The following FSTL5 variants were observed in gnomAD, a reference collection of about 807,000 sequenced individuals.
FSTL5 encodes the protein follistatin like 5, also known as follistatin-related protein 5.
Under a neutral mutation model 89.1 loss-of-function variants are expected in FSTL5, and 62 were observed. That is an observed-to-expected ratio of 0.70 (90% CI 0.57 to 0.86). The LOEUF (loss-of-function observed/expected upper bound fraction) is 0.86, where lower values mean the gene tolerates loss of function less well. FSTL5 is among the 40% of genes least tolerant of loss of function. The pLI is 0.00. For missense variants in FSTL5, 1,057 were observed against 1,001.6 expected, an observed-to-expected ratio of 1.06 and a Z score of -0.75; for synonymous variants, 383 against 346.2, an observed-to-expected ratio of 1.11 and a Z score of -1.18.
At chr4:162,159,363 G>A (rs1342800121) in intron 1 of FSTL5, among the ~76,000 whole-genome samples, 1 of 151,922 alleles carries the variant, frequency 6.6e-6, no homozygotes, top group East Asian at 1.9e-4. Context: ...CAATGAAGAA[G>A]TATTTTTAAA....
intron 10 of FSTL5, among the ~76,000 whole-genome samples, chr4:161,517,520 A>C (rs1280711805): frequency 6.6e-6 from 1 of 152,104 alleles, no homozygotes; most frequent in Non-Finnish European, 1.5e-5. Flanking sequence ...AAATTGCCTT[A>C]TTTCCTGTGT....
rs1301205887 is a variant in FSTL5 at position 161,872,146 on chromosome 4, T to TTG, written c.409+48257_409+48258insCA. ...GTAGTTTGTTTTTTTTTTTGGTTTT[T>TTG]TTTTTTTTTTTTGTAGAGACAAGGA... On this transcript the variant is annotated intron_variant, in intron 4 of 15. Transcript: ENST00000306100. Among the ~76,000 whole-genome samples the TTG allele has an allele frequency of 4.5e-5, 6 of 132,992 alleles. 1 individual carries two copies. Among genetic ancestry groups the TTG allele is most frequent in the Admixed American group, 7.8e-5 (1 of 12,834 alleles). The allele number at this position is 132,992 out of a possible 152,430, so 87.2% of individuals were successfully genotyped here.
At chr4:161,959,561 A>G (rs1735114903) in intron 3 of FSTL5, among the ~76,000 whole-genome samples, 1 of 152,126 alleles carries the variant, frequency 6.6e-6, no homozygotes, top group Non-Finnish European at 1.5e-5. Flanking sequence ...TAATGATAGC[A>G]GGACATTTAG....
chr4:162,143,912 A>G (rs1732863053), intron 1 of FSTL5, among the ~76,000 whole-genome samples: 1 of 152,150 alleles, frequency 6.6e-6, no homozygotes, highest in Non-Finnish European at 1.5e-5. Flanking sequence ...TCAAGATTAT[A>G]TAACAGAAGT....
intron 7 of FSTL5, among the ~76,000 whole-genome samples, chr4:161,605,209 A>G (rs536897607): frequency 5.1e-4 from 77 of 152,302 alleles, no homozygotes; most frequent in African/African-American, 1.7e-3. Flanking sequence ...AGTGTTTTCA[A>G]TTTGTGAAAA....
At chr4:161,752,759 C>A (rs527427018) in intron 6 of FSTL5, among the ~76,000 whole-genome samples, 1 of 152,246 alleles carries the variant, frequency 6.6e-6, no homozygotes, top group South Asian at 2.1e-4. Context: ...AATGCCCTAA[C>A]CCTCAATGTG....
chr4:161,477,360 T>C (rs1413748474), intron 13 of FSTL5, among the ~76,000 whole-genome samples: 1 of 150,736 alleles, frequency 6.6e-6, no homozygotes, highest in Non-Finnish European at 1.5e-5. Flanking sequence ...CATTTGAGTT[T>C]CATTGTCATC....
chr4:161,921,422 T>C (rs1044462930), intron 3 of FSTL5, among the ~76,000 whole-genome samples: 13 of 152,144 alleles, frequency 8.5e-5, no homozygotes, highest in Admixed American at 7.9e-4. Context: ...CAACTTCAAT[T>C]CCTTATGCTT....
At chr4:161,758,623 T>G (rs7682369) in intron 6 of FSTL5, among the ~76,000 whole-genome samples, 38,170 of 152,026 alleles carry the variant, frequency 0.25, 8,187 homozygotes, top group African/African-American at 0.58. Context: ...GTTCAAGTGA[T>G]TCTCCGGCCT....
At chr4:161,796,334 C>T (rs1221923218) in intron 4 of FSTL5, among the ~76,000 whole-genome samples, 1 of 151,482 alleles carries the variant, frequency 6.6e-6, no homozygotes, top group Non-Finnish European at 1.5e-5. Context: ...TGGAAGGAAT[C>T]CCAAGACTTC....
chr4:162,101,401 T>C lies in FSTL5; in HGVS notation c.126+9870A>G, dbSNP rs1730992263. Among the ~76,000 whole-genome samples, 3 of 152,320 alleles carry C rather than the reference T, an allele frequency of 2.0e-5. No homozygotes were observed. In the South Asian group the frequency reaches 6.2e-4, roughly 32 times the overall value. On this transcript the variant is annotated intron_variant, in intron 2 of 15. Coordinates refer to ENST00000306100, the MANE Select transcript of FSTL5 (RefSeq NM_020116.5). ...TATTTGTTGAAATAATGAGTGAATGTGCATTGTTCATTGTTAAAAGCTGAA... is the reference window on the plus strand; with the variant it reads ...TATTTGTTGAAATAATGAGTGAATGCGCATTGTTCATTGTTAAAAGCTGAA...
At chr4:161,489,537 G>A (rs930148353) in intron 12 of FSTL5, among the ~76,000 whole-genome samples, 2 of 152,044 alleles carry the variant, frequency 1.3e-5, no homozygotes, top group African/African-American at 4.8e-5. Context: ...TTTAAACCTA[G>A]TATGGATAAG....
chr4:161,876,309 T>A (rs1238604033), intron 4 of FSTL5, among the ~76,000 whole-genome samples: 1 of 152,202 alleles, frequency 6.6e-6, no homozygotes, highest in Non-Finnish European at 1.5e-5. Context: ...TTGACTGTAT[T>A]TTCTACATTA....
Position 161,919,373 on chromosome 4 carries a change from T to A in FSTL5, c.409+1031A>T, listed in dbSNP as rs187819434. On this transcript the variant is annotated intron_variant, in intron 4 of 15. Transcript: ENST00000306100. ...CAATAACAGAGCATTGCATCTTGCA[T>A]CATCTGAAAAGCTCTACATGTCATT... Among the ~76,000 whole-genome samples the A allele has an allele frequency of 2.6e-3, 400 of 152,266 alleles. 1 individual carries two copies. The highest frequency in any genetic ancestry group is 4.2e-3 in the Non-Finnish European group (284 of 68,008).
At chr4:162,096,846 G>A (rs1730772487) in intron 2 of FSTL5, among the ~76,000 whole-genome samples, 1 of 151,818 alleles carries the variant, frequency 6.6e-6, no homozygotes, top group South Asian at 2.1e-4. Flanking sequence ...ATATTCAATT[G>A]ATGAAATGAA....
chr4:162,018,277 G>A (rs560476752), intron 3 of FSTL5, among the ~76,000 whole-genome samples: 70 of 152,054 alleles, frequency 4.6e-4, no homozygotes, highest in Non-Finnish European at 7.4e-4. Flanking sequence ...CTTGGTTCAG[G>A]ACTTACCACT....
intron 3 of FSTL5, among the ~76,000 whole-genome samples, chr4:162,002,151 TATG>T (rs1356067264): frequency 1.3e-5 from 2 of 152,332 alleles, no homozygotes; most frequent in East Asian, 3.9e-4. Flanking sequence ...ATTTGTATTT[TATG>T]ATTTCATATA....
At chr4:161,599,926 C>T (rs771894958) in intron 7 of FSTL5, among the ~76,000 whole-genome samples, 3 of 151,796 alleles carry the variant, frequency 2.0e-5, no homozygotes, top group Non-Finnish European at 4.4e-5. Flanking sequence ...CAAGACGACC[C>T]ATATAACCTT....
At chr4:162,104,269 C>G (rs1159863495) in intron 2 of FSTL5, among the ~76,000 whole-genome samples, 1 of 152,208 alleles carries the variant, frequency 6.6e-6, no homozygotes, top group Non-Finnish European at 1.5e-5. Context: ...CTGGGTTCCA[C>G]AGTTCTCTTC....
Sources: allele counts gnomAD v4.1 joint callset (sites outside exome capture counted in the v4.1 genomes callset), GRCh38; gene constraint gnomAD v4.1.1; transcripts MANE v1.5; gene names NCBI Gene and HGNC (gene_info 2026-07-23, HGNC 2026-07-21).